CEP63: variants seen among roughly 807,000 people sequenced by gnomAD.
The protein encoded by CEP63 is centrosomal protein 63, also known as centrosomal protein of 63 kDa.
In CEP63, 84 loss-of-function variants were observed where a neutral mutation model predicts 89.1. The observed-to-expected ratio is 0.94, with a 90% CI of 0.79 to 1.13. The LOEUF (loss-of-function observed/expected upper bound fraction) is 1.13. Among genes scored for constraint, CEP63 ranks in the 50% most tolerant of loss-of-function variants. The probability of loss-of-function intolerance (pLI) is 0.00; values close to 1 mark genes in which losing one functional copy is unlikely to be tolerated. For synonymous variants in CEP63, 267 were observed against 272.5 expected (o/e 0.98, Z 0.20); for missense variants, 838 against 813.3 (o/e 1.03, Z -0.37).
chr3:134,535,621 A>G (rs538206016), intron 5 of CEP63: 1 of 151,702 alleles, frequency 6.6e-6, no homozygotes, highest in Non-Finnish European at 1.5e-5. Flanking sequence ...TCGCCTCTTC[A>G]TGACAGAATA....
the CEP63 span, among the ~76,000 whole-genome samples, chr3:134,732,877 T>C: frequency 6.6e-6 from 1 of 152,184 alleles, no homozygotes; most frequent in African/African-American, 2.4e-5. Context: ...CACGGTTGTA[T>C]GGATATCAGC....
At chr3:134,779,033 C>G in the CEP63 span, among the ~76,000 whole-genome samples, 2 of 152,136 alleles carry the variant, frequency 1.3e-5, no homozygotes, top group Non-Finnish European at 2.9e-5. Flanking sequence ...AAAATTTATT[C>G]TACTACAATT....
At chr3:134,506,489 G>A (rs181692933) in intron 2 of CEP63, among the ~76,000 whole-genome samples, 1 of 152,300 alleles carries the variant, frequency 6.6e-6, no homozygotes, top group Admixed American at 6.5e-5. Flanking sequence ...CTTGTTGGCT[G>A]TAGCAGCCTG....
At chr3:134,528,968 G>A in intron 3 of CEP63, among the ~76,000 whole-genome samples, 1 of 152,060 alleles carries the variant, frequency 6.6e-6, no homozygotes, top group Admixed American at 6.5e-5. Context: ...TTTTTAAAAT[G>A]TTCTTTTCTT....
chr3:134,595,663 A>G, the CEP63 span, among the ~76,000 whole-genome samples: 3 of 152,098 alleles, frequency 2.0e-5, no homozygotes, highest in Non-Finnish European at 4.4e-5. Flanking sequence ...TTAATTGGAG[A>G]GAGGGAATCT....
the CEP63 span, among the ~76,000 whole-genome samples, chr3:134,667,560 G>A: frequency 6.6e-6 from 1 of 152,220 alleles, no homozygotes. Flanking sequence ...AACTGGCACT[G>A]GTGAAAGTTC....
At chr3:134,630,592 T>C in the CEP63 span, among the ~76,000 whole-genome samples, 1 of 152,206 alleles carries the variant, frequency 6.6e-6, no homozygotes, top group East Asian at 1.9e-4. Flanking sequence ...ACCTCTGAAC[T>C]GTGCATGCAT....
chr3:134,578,638 G>A (rs1342281047), downstream of CEP63, among the ~76,000 whole-genome samples: 1 of 151,776 alleles, frequency 6.6e-6, no homozygotes, highest in African/African-American at 2.4e-5. Flanking sequence ...CCCTCACTGT[G>A]ATTGATTTGC....
the CEP63 span, among the ~76,000 whole-genome samples, chr3:134,632,901 A>C: frequency 1.2e-4 from 18 of 152,124 alleles, no homozygotes; most frequent in Non-Finnish European, 2.5e-4. Context: ...AGGGGTAAAT[A>C]CACCAATATC....
In CEP63 at chr3:134,531,920, T is replaced by G. The variant is rs781452653; in HGVS notation, c.298T>G (p.Leu100Val). Residue 100 changes from leucine (L) to valine (V), a missense_variant, in exon 4 of 15, where the codon TTG becomes GTG. Leu to Val is a conservative substitution (Grantham distance 32, BLOSUM62 1). Coordinates refer to ENST00000675561, the MANE Select transcript of CEP63 (RefSeq NM_001353108.3). ...GATGACCATGGAATATAAGCAGGAG[T>G]TGAAGAAACTACATGAAGAAGTGAG... is the stretch of plus-strand genomic sequence containing the variant. ...QEMTMEYKQELKKLHEELCIL... is the reference protein window; with the variant it reads ...QEMTMEYKQEVKKLHEELCIL... 91 of 1,611,526 alleles carry G rather than the reference T, an allele frequency of 5.6e-5. No individual in the cohort carries two copies. The highest frequency in any genetic ancestry group is 7.6e-5 in the Non-Finnish European group (89 of 1,177,988).
chr3:134,781,998 C>A, the CEP63 span, among the ~76,000 whole-genome samples: 1 of 152,188 alleles, frequency 6.6e-6, no homozygotes, highest in East Asian at 1.9e-4. Context: ...CGATGTTTTG[C>A]CATGAAATGT....
the CEP63 span, chr3:134,604,066 T>C: frequency 8.7e-6 from 14 of 1,613,864 alleles, no homozygotes; most frequent in Non-Finnish European, 1.2e-5. Flanking sequence ...GATGGGGCCA[T>C]CATCCCCGTG....
the CEP63 span, among the ~76,000 whole-genome samples, chr3:134,617,263 T>C: frequency 2.0e-5 from 3 of 152,236 alleles, no homozygotes; most frequent in Non-Finnish European, 4.4e-5. Context: ...AATCATGTTC[T>C]GAAAGATGCT....
At chr3:134,680,474 A>G in the CEP63 span, among the ~76,000 whole-genome samples, 1 of 152,172 alleles carries the variant, frequency 6.6e-6, no homozygotes, top group Non-Finnish European at 1.5e-5. Flanking sequence ...CCATGTGCAC[A>G]TCCAGCTGGG....
chr3:134,748,025 C>T, the CEP63 span, among the ~76,000 whole-genome samples: 2 of 152,112 alleles, frequency 1.3e-5, no homozygotes, highest in Non-Finnish European at 1.5e-5. Flanking sequence ...ACCTTGTGAT[C>T]CTCCCACCTC....
the CEP63 span, among the ~76,000 whole-genome samples, chr3:134,670,427 G>C: frequency 6.6e-6 from 1 of 152,252 alleles, no homozygotes; most frequent in Non-Finnish European, 1.5e-5. Flanking sequence ...AGAGCCTCCA[G>C]TGTGAAGAGA....
At chr3:134,492,936 G>A (rs1938242966) in intron 1 of CEP63, among the ~76,000 whole-genome samples, 1 of 152,086 alleles carries the variant, frequency 6.6e-6, no homozygotes, top group Non-Finnish European at 1.5e-5. Context: ...TCTTTTATGA[G>A]TATAGTGAAG....
chr3:134,502,731 GTCTA>G (rs1942371568), intron 2 of CEP63, among the ~76,000 whole-genome samples: 1 of 152,030 alleles, frequency 6.6e-6, no homozygotes, highest in African/African-American at 2.4e-5. Context: ...TTAGCTAGCA[GTCTA>G]TCAATCTTGT....
At chr3:134,571,700 G>A (rs938290680) in intron 11 of CEP63, among the ~76,000 whole-genome samples, 7 of 151,736 alleles carry the variant, frequency 4.6e-5, no homozygotes, top group Non-Finnish European at 7.4e-5. Context: ...AACAACAACA[G>A]CAACAACAAC....
Sources: allele counts gnomAD v4.1 joint callset (sites outside exome capture counted in the v4.1 genomes callset), GRCh38; gene constraint gnomAD v4.1.1; transcripts MANE v1.5; gene names NCBI Gene and HGNC (gene_info 2026-07-23, HGNC 2026-07-21).